The following NCAM1 variants were observed in gnomAD, a reference collection of about 807,000 sequenced individuals.
NCAM1 encodes the protein antigen recognized by monoclonal antibody 5.1H11.
Under a neutral mutation model 109.8 loss-of-function variants are expected in NCAM1, and 14 were observed. That is an observed-to-expected ratio of 0.13 (90% CI 0.08 to 0.20). The LOEUF (loss-of-function observed/expected upper bound fraction) is 0.20. NCAM1 is among the 10% of genes least tolerant of loss of function. NCAM1 has a pLI of 1.00. For synonymous variants in NCAM1, 418 were observed against 442.9 expected (o/e 0.94, Z 0.70); for missense variants, 774 against 1,109.9 (o/e 0.70, Z 4.30).
intron 1 of NCAM1, among the ~76,000 whole-genome samples, chr11:113,120,124 G>A: frequency 6.6e-6 from 1 of 152,190 alleles, no homozygotes; most frequent in East Asian, 1.9e-4. Context: ...TGCCAGGTTG[G>A]AAAATTTACT....
intron 16 of NCAM1, among the ~76,000 whole-genome samples, chr11:113,259,468 T>G (rs1555122849): frequency 6.6e-6 from 1 of 152,206 alleles, no homozygotes; most frequent in Non-Finnish European, 1.5e-5. Flanking sequence ...ACTTGTTTTA[T>G]TACTCTTCTA....
intron 1 of NCAM1, among the ~76,000 whole-genome samples, chr11:113,095,265 C>T (rs1185169348): frequency 6.6e-6 from 1 of 152,182 alleles, no homozygotes; most frequent in African/African-American, 2.4e-5. Context: ...ACGACATTCT[C>T]AGCTTTGCAT....
intron 1 of NCAM1, among the ~76,000 whole-genome samples, chr11:113,043,935 A>G (rs140330697): frequency 2.0e-3 from 296 of 148,166 alleles, no homozygotes; most frequent in Non-Finnish European, 3.4e-3. Context: ...GATGTTTTTG[A>G]GTAGTTTCCT....
intron 1 of NCAM1, among the ~76,000 whole-genome samples, chr11:113,018,518 C>G (rs1952278632): frequency 2.0e-5 from 3 of 152,106 alleles, no homozygotes. Flanking sequence ...TTTGATGATT[C>G]TTACCTTGGG....
At chr11:113,220,708 G>A (rs921473861) in intron 8 of NCAM1, among the ~76,000 whole-genome samples, 6 of 145,458 alleles carry the variant, frequency 4.1e-5, no homozygotes, top group African/African-American at 1.0e-4. Flanking sequence ...CCGGGTTCAC[G>A]CCATTCTCCT....
chr11:113,199,829 T>TGGAAAA (rs60389510), intron 1 of NCAM1, among the ~76,000 whole-genome samples: 12 of 115,780 alleles, frequency 1.0e-4, no homozygotes, highest in South Asian at 9.2e-4. Context: ...GAAACACCCT[T>TGGAAAA]AAAAAAAAAA....
Position 112,979,560 on chromosome 11 carries a change from G to A in NCAM1, c.52+17896G>A, listed in dbSNP as rs563963618. On this transcript the variant is annotated intron_variant, in intron 1 of 19. Transcript: ENST00000316851. ...TCAGGTTACTTCCGGTGACTCTTTT[G>A]CAAGTTAAAGCAGAGGAGACTTCTT... is the stretch of plus-strand genomic sequence containing the variant. 4.6e-5 allele frequency among the ~76,000 whole-genome samples: 7 copies of A among 151,956 alleles called. No homozygotes were observed. The East Asian group carries it at 1.4e-3, about 29-fold the overall frequency.
At chr11:113,251,049 C>T (rs4938005) in intron 15 of NCAM1, among the ~76,000 whole-genome samples, 5,741 of 152,330 alleles carry the variant, frequency 0.038, 149 homozygotes, top group South Asian at 0.065. Flanking sequence ...GATCCACCCA[C>T]CTCAGCCTCC....
At chr11:113,071,457 G>A (rs1281849387) in intron 1 of NCAM1, among the ~76,000 whole-genome samples, 8 of 132,206 alleles carry the variant, frequency 6.1e-5, no homozygotes, top group Admixed American at 8.7e-5. Flanking sequence ...ACGGAGTCTC[G>A]CTTTATCGCC....
chr11:113,057,994 A>G (rs547133163), intron 1 of NCAM1, among the ~76,000 whole-genome samples: 1 of 152,252 alleles, frequency 6.6e-6, no homozygotes, highest in South Asian at 2.1e-4. Flanking sequence ...TCATTAAGAC[A>G]TGGATGTGGG....
At chr11:113,195,035 A>G (rs1469236693) in intron 1 of NCAM1, among the ~76,000 whole-genome samples, 2 of 152,254 alleles carry the variant, frequency 1.3e-5, no homozygotes, top group Non-Finnish European at 2.9e-5. Flanking sequence ...GCTTTAAGCC[A>G]TGAGGATACT....
chr11:113,081,262 CG>C (rs34420940), intron 1 of NCAM1, among the ~76,000 whole-genome samples: 80,118 of 151,954 alleles, frequency 0.53, 21,838 homozygotes, highest in Middle Eastern at 0.58. Context: ...GATGGCAGGA[CG>C]GGGGTCCCGT....
chr11:113,104,217 G>T (rs1417005395), intron 1 of NCAM1, among the ~76,000 whole-genome samples: 7 of 118,422 alleles, frequency 5.9e-5, no homozygotes, highest in East Asian at 6.1e-4. Flanking sequence ...TGGGGGGGGG[G>T]GCGGGGTGGT....
At chr11:113,220,302 T>A (rs1944647862) in intron 8 of NCAM1, among the ~76,000 whole-genome samples, 1 of 152,184 alleles carries the variant, frequency 6.6e-6, no homozygotes, top group Non-Finnish European at 1.5e-5. Flanking sequence ...AGATGGTACA[T>A]GCTGGAGTCC....
At chr11:113,017,878 T>C (rs1952257334) in intron 1 of NCAM1, among the ~76,000 whole-genome samples, 1 of 152,206 alleles carries the variant, frequency 6.6e-6, no homozygotes, top group South Asian at 2.1e-4. Flanking sequence ...GCCTATCTAA[T>C]GCAAGTGATA....
intron 1 of NCAM1, among the ~76,000 whole-genome samples, chr11:112,972,546 G>A (rs782070695): frequency 3.3e-5 from 5 of 152,226 alleles, no homozygotes; most frequent in African/African-American, 1.2e-4. Flanking sequence ...TCCCAATCTT[G>A]TTAAAAAACG....
At chr11:113,138,021 G>GA (rs111856908) in intron 1 of NCAM1, among the ~76,000 whole-genome samples, 11 of 149,624 alleles carry the variant, frequency 7.4e-5, no homozygotes, top group East Asian at 5.8e-4. Context: ...TTACCCTAGG[G>GA]AAAAAAAAAA....
At chr11:113,160,032 G>A (rs1942547742) in intron 1 of NCAM1, among the ~76,000 whole-genome samples, 1 of 151,974 alleles carries the variant, frequency 6.6e-6, no homozygotes, top group Non-Finnish European at 1.5e-5. Context: ...CCTTCCCACT[G>A]TGCCTGAAAC....
intron 1 of NCAM1, among the ~76,000 whole-genome samples, chr11:113,175,913 A>G (rs1240641454): frequency 6.6e-6 from 1 of 152,244 alleles, no homozygotes; most frequent in Non-Finnish European, 1.5e-5. Context: ...AGAAGAAGAA[A>G]TCACGGTAAG....
Sources: gnomAD v4.1 joint callset for allele counts (sites outside exome capture counted in the v4.1 genomes callset) on GRCh38, gnomAD v4.1.1 for gene constraint, MANE v1.5 for transcripts, NCBI Gene and HGNC (gene_info 2026-07-23, HGNC 2026-07-21) for gene names.